Variants in FRMD3 observed in about 807,000 individuals in gnomAD.
FRMD3 encodes FERM domain-containing protein 3.
In FRMD3, 33 loss-of-function variants were observed where a neutral mutation model predicts 70.2. The ratio of observed to expected loss-of-function variants is 0.47; its 90% CI spans 0.36 to 0.63. The LOEUF is 0.63. Ranked by LOEUF, FRMD3 falls within the 20% of genes least tolerant of loss-of-function variation. The pLI is 0.00. For synonymous variants in FRMD3, 279 were observed against 255.9 expected, an observed-to-expected ratio of 1.09 and a Z score of -0.86; for missense variants, 632 against 711.4, an observed-to-expected ratio of 0.89 and a Z score of 1.27.
chr9:83,423,699 C>T (rs1486236568), intron 1 of FRMD3, among the ~76,000 whole-genome samples: 1 of 142,492 alleles, frequency 7.0e-6, no homozygotes, highest in Non-Finnish European at 1.5e-5. Context: ...CAGGTTCAAG[C>T]GATTCTCCTG....
intron 1 of FRMD3, among the ~76,000 whole-genome samples, chr9:83,517,561 T>C (rs1829482526): frequency 8.1e-6 from 1 of 123,282 alleles, no homozygotes. Context: ...CTACCAGAGG[T>C]ACAAAAAGCA....
In FRMD3 at chr9:83,363,395, T is replaced by A. The variant is rs75538922; in HGVS notation, c.295+9518A>T. Among the ~76,000 whole-genome samples, 177 of 152,342 alleles carry A rather than the reference T, an allele frequency of 1.2e-3. 1 individual carries two copies. Among genetic ancestry groups the A allele is most frequent in the Admixed American group, 1.8e-3 (28 of 15,304 alleles). ...TTTCTAATGACTATGTATACACACA[T>A]AATTTATCCTTGCAAAAATTACTGG... is the stretch of plus-strand genomic sequence containing the variant. On this transcript the variant is annotated intron_variant, in intron 3 of 13. Coordinates refer to ENST00000304195, the MANE Select transcript of FRMD3 (RefSeq NM_174938.6).
intron 13 of FRMD3, among the ~76,000 whole-genome samples, chr9:83,254,850 T>C (rs1472408663): frequency 1.3e-5 from 2 of 152,060 alleles, no homozygotes; most frequent in Non-Finnish European, 2.9e-5. Flanking sequence ...TCTGAATAGA[T>C]CAATAATGGT....
At chr9:83,413,860 T>A (rs1028576314) in intron 1 of FRMD3, among the ~76,000 whole-genome samples, 1 of 152,242 alleles carries the variant, frequency 6.6e-6, no homozygotes, top group African/African-American at 2.4e-5. Context: ...GAGATTTATA[T>A]ATCTCTTGCC....
chr9:83,502,949 C>T (rs1021198645), intron 1 of FRMD3, among the ~76,000 whole-genome samples: 7 of 152,110 alleles, frequency 4.6e-5, no homozygotes, highest in Admixed American at 6.6e-5. Context: ...AATACAAGCA[C>T]ACTGTAGTAA....
chr9:83,386,592 C>G (rs545328293), intron 2 of FRMD3, among the ~76,000 whole-genome samples: 43 of 152,282 alleles, frequency 2.8e-4, no homozygotes, highest in African/African-American at 9.9e-4. Context: ...TCATCTTCCC[C>G]TAATGTTAGC....
chr9:83,563,190 T>C, the FRMD3 span, among the ~76,000 whole-genome samples: 1 of 152,116 alleles, frequency 6.6e-6, no homozygotes, highest in Non-Finnish European at 1.5e-5. Context: ...CAAGTTGTTT[T>C]CTTTCAGCCC....
At chr9:83,388,827 T>C (rs1358729761) in intron 2 of FRMD3, among the ~76,000 whole-genome samples, 2 of 152,070 alleles carry the variant, frequency 1.3e-5, no homozygotes, top group African/African-American at 4.8e-5. Flanking sequence ...CACTTTAAAA[T>C]GCACATTTTG....
intron 1 of FRMD3, among the ~76,000 whole-genome samples, chr9:83,395,791 C>T (rs1282228029): frequency 6.6e-6 from 1 of 151,326 alleles, no homozygotes; most frequent in East Asian, 1.9e-4. Flanking sequence ...AAAAGTCTGG[C>T]AGATTTCAGT....
intron 1 of FRMD3, among the ~76,000 whole-genome samples, chr9:83,429,398 C>T (rs978810477): frequency 1.3e-5 from 2 of 152,090 alleles, no homozygotes; most frequent in African/African-American, 4.8e-5. Context: ...CAGCTTTCAT[C>T]GCCCGTTTCT....
rs932808970 is a variant in FRMD3, at chr9:83,524,000, A to C, written c.147+14085T>G. Among the ~76,000 whole-genome samples, 4 of 152,136 alleles carry C rather than the reference A, an allele frequency of 2.6e-5. No homozygotes were observed. In the East Asian group the frequency reaches 7.7e-4, roughly 29 times the overall value. ...AACCTGAAGTGTATTTTCCATCCCTACTCCACAGAGTTTATTACTCTTCTG... is the reference window on the plus strand; with the variant it reads ...AACCTGAAGTGTATTTTCCATCCCTCCTCCACAGAGTTTATTACTCTTCTG... On this transcript the variant is annotated intron_variant, in intron 1 of 13. Transcript: ENST00000304195.
intron 2 of FRMD3, among the ~76,000 whole-genome samples, chr9:83,388,019 A>G (rs1315652687): frequency 6.6e-6 from 1 of 151,966 alleles, no homozygotes. Context: ...CCACATCCCC[A>G]CCACTGCCCT....
intron 1 of FRMD3, among the ~76,000 whole-genome samples, chr9:83,434,635 C>A (rs1827078723): frequency 6.6e-6 from 1 of 152,122 alleles, no homozygotes; most frequent in Non-Finnish European, 1.5e-5. Flanking sequence ...AGACACAGCC[C>A]ATGCTTATCA....
intron 6 of FRMD3, among the ~76,000 whole-genome samples, chr9:83,330,755 G>A (rs1386185025): frequency 3.3e-5 from 5 of 152,222 alleles, no homozygotes; most frequent in South Asian, 2.1e-4. Context: ...ACTAGAGACC[G>A]TATGACCCAG....
At chr9:83,580,636 G>A in the FRMD3 span, among the ~76,000 whole-genome samples, 1 of 151,958 alleles carries the variant, frequency 6.6e-6, no homozygotes, top group Non-Finnish European at 1.5e-5. Context: ...GAATGAACGG[G>A]GAATTATTGG....
chr9:83,311,774 C>T, intron 8 of FRMD3, 113 bp downstream of exon 8: 1 of 784,664 alleles, frequency 1.3e-6, no homozygotes. Flanking sequence ...AGCTCCAAGG[C>T]AAGGAAATGG....
At chr9:83,300,341 T>C (rs906773866) in intron 10 of FRMD3, among the ~76,000 whole-genome samples, 10 of 152,166 alleles carry the variant, frequency 6.6e-5, no homozygotes, top group Admixed American at 5.2e-4. Context: ...ACGGTGCAAG[T>C]GGTGGTGGAT....
intron 5 of FRMD3, among the ~76,000 whole-genome samples, chr9:83,339,987 T>C (rs2889243): frequency 0.88 from 133,315 of 152,254 alleles, 58,538 homozygotes; most frequent in African/African-American, 0.89. Context: ...GTGACTAATT[T>C]AATTAACCAT....
At chr9:83,471,984 T>C (rs1206873713) in intron 1 of FRMD3, among the ~76,000 whole-genome samples, 1 of 152,168 alleles carries the variant, frequency 6.6e-6, no homozygotes, top group African/African-American at 2.4e-5. Context: ...GAGGTTTGAA[T>C]GTGAGAATAC....
Sources: allele counts gnomAD v4.1 joint callset (sites outside exome capture counted in the v4.1 genomes callset), GRCh38; gene constraint gnomAD v4.1.1; transcripts MANE v1.5; gene names NCBI Gene and HGNC (gene_info 2026-07-23, HGNC 2026-07-21).